Variants in USP39 observed in about 807,000 individuals in gnomAD.
USP39 encodes the protein ubiquitin specific peptidase 39.
A neutral mutation model predicts 66.4 loss-of-function variants in USP39; 38 were observed. The ratio of observed to expected loss-of-function variants is 0.57; its 90% CI spans 0.44 to 0.75. USP39 has a LOEUF of 0.75. Ranked by LOEUF, USP39 falls within the 30% of genes least tolerant of loss-of-function variation. USP39 has a pLI of 0.00. For missense variants in USP39, 608 were observed against 714.4 expected (o/e 0.85, Z 1.70); for synonymous variants, 303 against 274.6 (o/e 1.10, Z -1.02).
In USP39 at chr2:85,625,705, G is replaced by C; in HGVS notation, c.723+14G>C. The C allele has an allele frequency of 6.2e-7, 1 of 1,608,018 alleles. No homozygotes were observed. The highest frequency in any genetic ancestry group is 8.5e-7 in the Non-Finnish European group (1 of 1,175,560). ...GCTGTCCTTCAGGTAAGATCAAGACGGGAACATTGAGGAAGAGAAGGACAC... is the reference window on the plus strand; with the variant it reads ...GCTGTCCTTCAGGTAAGATCAAGACCGGAACATTGAGGAAGAGAAGGACAC... On this transcript the variant is annotated intron_variant, in intron 5 of 12. Coordinates refer to ENST00000323701, the MANE Select transcript of USP39 (RefSeq NM_006590.4).
chr2:85,643,194 A>G (rs950745108), intron 10 of USP39, among the ~76,000 whole-genome samples: 3 of 152,100 alleles, frequency 2.0e-5, no homozygotes, highest in Non-Finnish European at 4.4e-5. Context: ...AATCTTGAGT[A>G]TAAAGACTTC....
In USP39 at chr2:85,630,690, C is replaced by T. The variant is rs762213295; in HGVS notation, c.724-31C>T. On this transcript the variant is annotated intron_variant, in intron 5 of 12. Transcript: ENST00000323701. ...TGGCTCAAGGGGTCCTACAAAGGGG[C>T]TTTGGGTTAATCGGAGTGTTTGATT... is the stretch of plus-strand genomic sequence containing the variant. 2.5e-6 allele frequency: 4 copies of T among 1,605,850 alleles called. No individual in the cohort carries two copies. The South Asian group carries it at 4.4e-5, about 18-fold the overall frequency.
intron 1 of USP39, chr2:85,603,250 T>A (rs1433996776): frequency 6.6e-6 from 1 of 152,260 alleles, no homozygotes. Context: ...GGAGGAGGGC[T>A]GCTTTCATTA....
At chr2:85,604,950 T>C (rs1458417875) in intron 1 of USP39, among the ~76,000 whole-genome samples, 1 of 152,202 alleles carries the variant, frequency 6.6e-6, no homozygotes, top group Non-Finnish European at 1.5e-5. Context: ...TAATAGTTCC[T>C]AAAATAGAAT....
chr2:85,635,598 G>A (rs569443904), intron 6 of USP39, among the ~76,000 whole-genome samples: 39 of 152,078 alleles, frequency 2.6e-4, no homozygotes, highest in South Asian at 1.2e-3. Context: ...ATGTCTGAGT[G>A]GCAGGTTCCG....
intron 6 of USP39, among the ~76,000 whole-genome samples, chr2:85,634,330 T>G (rs1455668271): frequency 6.6e-6 from 1 of 151,846 alleles, no homozygotes; most frequent in East Asian, 2.0e-4. Flanking sequence ...TCCCAGCACT[T>G]TGGGAGGCCG....
At chr2:85,625,149 A>C (rs1386962051) in intron 4 of USP39, among the ~76,000 whole-genome samples, 1 of 152,038 alleles carries the variant, frequency 6.6e-6, no homozygotes, top group Non-Finnish European at 1.5e-5. Flanking sequence ...CCTCATTCCC[A>C]CCCAGAGTGG....
intron 8 of USP39, among the ~76,000 whole-genome samples, chr2:85,638,947 C>T (rs931307070): frequency 6.6e-6 from 1 of 151,800 alleles, no homozygotes; most frequent in Non-Finnish European, 1.5e-5. Flanking sequence ...GTTGAGATTA[C>T]AGCCGTGAGC....
intron 5 of USP39, among the ~76,000 whole-genome samples, chr2:85,628,324 T>C (rs900679336): frequency 3.9e-5 from 6 of 152,092 alleles, no homozygotes; most frequent in African/African-American, 1.2e-4. Flanking sequence ...TTTTTGTATT[T>C]TTAGTAGAGA....
At position 85,648,876 on chromosome 2, in the gene USP39, T is replaced by A; in HGVS notation, c.*68T>A. The stretch of plus-strand genomic sequence containing the variant: ...ATGGTAAATAAGAACACAGAAGCTG[T>A]AGCTGAACACAGGCTGGCTGGTGGG... On this transcript the variant is annotated 3_prime_UTR_variant, in exon 13 of 13. Transcript: ENST00000323701. 2 of 1,591,628 alleles carry A rather than the reference T, an allele frequency of 1.3e-6. No homozygotes were observed. Among genetic ancestry groups the A allele is most frequent in the Non-Finnish European group, 1.7e-6 (2 of 1,162,190 alleles).
chr2:85,621,818 G>A (rs1006173401), intron 3 of USP39, among the ~76,000 whole-genome samples: 2 of 151,922 alleles, frequency 1.3e-5, no homozygotes, highest in African/African-American at 2.4e-5. Flanking sequence ...CTGGGTTCTC[G>A]AATCTCTAAT....
At chr2:85,610,042 T>A (rs995433255), upstream of USP39, among the ~76,000 whole-genome samples, 1 of 132,548 alleles carries the variant, frequency 7.5e-6, no homozygotes, top group Non-Finnish European at 1.6e-5. Context: ...TGAGACGGAG[T>A]CTTGCTCTGT....
chr2:85,644,491 G>A (rs992308418), intron 10 of USP39, among the ~76,000 whole-genome samples: 1 of 152,108 alleles, frequency 6.6e-6, no homozygotes, highest in Non-Finnish European at 1.5e-5. Flanking sequence ...GAGTGCAATA[G>A]TGTGGTCCTG....
intron 6 of USP39, among the ~76,000 whole-genome samples, chr2:85,633,859 A>G (rs1573429406): frequency 1.0e-5 from 1 of 96,316 alleles, no homozygotes; most frequent in East Asian, 3.2e-4. Flanking sequence ...TTTTTTTGAG[A>G]CAGAGTCTCG....
chr2:85,634,043 T>G (rs529059356), intron 6 of USP39, among the ~76,000 whole-genome samples: 1 of 150,538 alleles, frequency 6.6e-6, no homozygotes, highest in Admixed American at 6.6e-5. Flanking sequence ...TTCACCGTTT[T>G]AGCCGGGATG....
chr2:85,631,313 C>CTTT (rs57173306), intron 6 of USP39, among the ~76,000 whole-genome samples: 30 of 126,262 alleles, frequency 2.4e-4, no homozygotes, highest in African/African-American at 3.1e-4. Context: ...TGCGCCCGGC[C>CTTT]TTTTTTTTTT....
At position 85,639,191 on chromosome 2, in the gene USP39, A is replaced by G. The variant is rs371109644; in HGVS notation, c.1096-12A>G. 5.0e-6 allele frequency: 8 copies of G among 1,607,738 alleles called. No homozygotes were observed. The African/African-American group carries it at 9.4e-5, about 19-fold the overall frequency. On this transcript the variant is annotated splice_polypyrimidine_tract_variant and intron_variant, in intron 8 of 12. Transcript: ENST00000323701. ...CACTCCTTTCCTCTCTTTTCTTCTC[A>G]TTCATTTCTAGCCAGCAGAAGAAAA... is the stretch of plus-strand genomic sequence containing the variant.
At chr2:85,617,598 G>A (rs577464328) in intron 1 of USP39, among the ~76,000 whole-genome samples, 1 of 152,300 alleles carries the variant, frequency 6.6e-6, no homozygotes, top group South Asian at 2.1e-4. Flanking sequence ...CTACTCTATA[G>A]GATGAGGTAG....
At chr2:85,613,460 C>T (rs1306117616), upstream of USP39, among the ~76,000 whole-genome samples, 3 of 151,972 alleles carry the variant, frequency 2.0e-5, no homozygotes. Flanking sequence ...TGCAGTCAGC[C>T]GAGATCGAGC....
Sources: allele counts gnomAD v4.1 joint callset (sites outside exome capture counted in the v4.1 genomes callset), GRCh38; gene constraint gnomAD v4.1.1; transcripts MANE v1.5; gene names NCBI Gene and HGNC (gene_info 2026-07-23, HGNC 2026-07-21).